FHOD3: variants seen among roughly 807,000 people sequenced by gnomAD.
The protein encoded by FHOD3 is FH1/FH2 domain-containing protein 3.
FHOD3 carries 90 observed loss-of-function variants against 173.0 expected under a neutral mutation model. That is an observed-to-expected ratio of 0.52 (90% CI 0.44 to 0.62). The LOEUF (loss-of-function observed/expected upper bound fraction) is 0.62. Among genes scored for constraint, FHOD3 ranks in the 20% least tolerant of loss-of-function variants. The pLI is 0.00. For missense variants in FHOD3, 1,945 were observed against 2,034.7 expected, an observed-to-expected ratio of 0.96 and a Z score of 0.85; for synonymous variants, 828 against 823.0, an observed-to-expected ratio of 1.01 and a Z score of -0.10.
At chr18:36,337,249 T>C (rs2045369120) in intron 1 of FHOD3, among the ~76,000 whole-genome samples, 1 of 152,078 alleles carries the variant, frequency 6.6e-6, no homozygotes, top group Non-Finnish European at 1.5e-5. Context: ...ACTTGGAACA[T>C]TCCCAGAGTC....
intron 3 of FHOD3, among the ~76,000 whole-genome samples, chr18:36,450,298 G>A (rs2051753372): frequency 6.6e-6 from 1 of 152,146 alleles, no homozygotes; most frequent in South Asian, 2.1e-4. Flanking sequence ...AACGTGAGAG[G>A]GAAGGCAGCC....
intron 16 of FHOD3, among the ~76,000 whole-genome samples, chr18:36,687,530 TA>T (rs2038703866): frequency 1.3e-5 from 2 of 152,186 alleles, no homozygotes; most frequent in Non-Finnish European, 2.9e-5. Flanking sequence ...CTTCAAGAAA[TA>T]TTTTAGTATC....
chr18:36,359,172 C>A (rs921853253), intron 2 of FHOD3, among the ~76,000 whole-genome samples: 1 of 152,114 alleles, frequency 6.6e-6, no homozygotes, highest in African/African-American at 2.4e-5. Context: ...ATATTGTGGC[C>A]ATCTAATGAA....
intron 5 of FHOD3, 116 bp from the exon 6 acceptor site, chr18:36,576,335 T>C (rs1304560195): frequency 2.8e-5 from 17 of 598,946 alleles, no homozygotes; most frequent in Non-Finnish European, 4.0e-5. Flanking sequence ...TCCTCAGATT[T>C]GATTCTTAAC....
intron 19 of FHOD3, among the ~76,000 whole-genome samples, chr18:36,724,942 C>T (rs1403564212): frequency 6.6e-6 from 1 of 152,216 alleles, no homozygotes; most frequent in Non-Finnish European, 1.5e-5. Flanking sequence ...CTTCTCCCTA[C>T]ACCCTTAAAG....
chr18:36,411,201 A>AT (rs537241748), intron 3 of FHOD3, among the ~76,000 whole-genome samples: 188 of 151,916 alleles, frequency 1.2e-3, no homozygotes, highest in African/African-American at 4.5e-3. Context: ...GTCCAATTTA[A>AT]TTTTTTTTGC....
intron 5 of FHOD3, among the ~76,000 whole-genome samples, chr18:36,548,113 AC>A (rs1421203129): frequency 6.6e-6 from 1 of 152,052 alleles, no homozygotes; most frequent in Non-Finnish European, 1.5e-5. Flanking sequence ...AATCGCTTGA[AC>A]CCAGGAGGCG....
rs370455175 is a variant in FHOD3 at position 36,354,636 on chromosome 18, T to C, written c.166-903T>C. ...GGCCAAAATGGCAAAACCCCATCTC[T>C]ACTAAAAATACAAAACAAAATTGGC... On this transcript the variant is annotated intron_variant, in intron 1 of 28. Coordinates refer to ENST00000590592, the MANE Select transcript of FHOD3 (RefSeq NM_001281740.3). Among the ~76,000 whole-genome samples the C allele has an allele frequency of 2.3e-3, 354 of 152,090 alleles. 3 individuals carry two copies. The highest frequency in any genetic ancestry group is 8.1e-3 in the African/African-American group (337 of 41,496).
At chr18:36,514,200 G>A (rs185921668) in intron 5 of FHOD3, among the ~76,000 whole-genome samples, 6 of 151,766 alleles carry the variant, frequency 4.0e-5, no homozygotes, top group African/African-American at 1.5e-4. Context: ...TAGTAGAGAC[G>A]GGGTTTCACC....
At chr18:36,390,436 G>T (rs1442457093) in intron 3 of FHOD3, among the ~76,000 whole-genome samples, 3 of 152,194 alleles carry the variant, frequency 2.0e-5, no homozygotes, top group Admixed American at 1.3e-4. Flanking sequence ...GCAGCCAGAT[G>T]CCTCGTTGGT....
chr18:36,666,684 T>A (rs2037203081), intron 14 of FHOD3, among the ~76,000 whole-genome samples: 1 of 152,264 alleles, frequency 6.6e-6, no homozygotes, highest in Non-Finnish European at 1.5e-5. Context: ...GATGATAATT[T>A]ACTTTTTAAA....
At chr18:36,677,040 C>T (rs1335341516) in intron 14 of FHOD3, among the ~76,000 whole-genome samples, 3 of 152,020 alleles carry the variant, frequency 2.0e-5, no homozygotes, top group Admixed American at 6.6e-5. Flanking sequence ...TTTGGTTGCT[C>T]TTTGGTCTAA....
At chr18:36,773,842 C>CT (rs2043505028) in intron 28 of FHOD3, among the ~76,000 whole-genome samples, 1 of 152,188 alleles carries the variant, frequency 6.6e-6, no homozygotes, top group African/African-American at 2.4e-5. Context: ...CTTCACCACT[C>CT]TTTTTTACCC....
At position 36,297,825 on chromosome 18, in the gene FHOD3, A is replaced by C; in HGVS notation, c.-11A>C. On this transcript the variant is annotated 5_prime_UTR_variant, in exon 1 of 29. Coordinates refer to ENST00000590592, the MANE Select transcript of FHOD3 (RefSeq NM_001281740.3). ...ACCCCGGGGCCCGCGCCCCCGCGGC[A>C]GGGATGCATCATGGCCACGCTGGCT... 1.3e-6 allele frequency: 2 copies of C among 1,493,748 alleles called. No individual in the cohort carries two copies. Among genetic ancestry groups the C allele is most frequent in the Non-Finnish European group, 1.8e-6 (2 of 1,119,322 alleles). 92.5% of individuals were successfully genotyped at this position (1,493,748 alleles called of 1,614,324 possible).
At chr18:36,595,242 C>G (rs1321645041) in intron 7 of FHOD3, among the ~76,000 whole-genome samples, 2 of 152,116 alleles carry the variant, frequency 1.3e-5, no homozygotes, top group African/African-American at 4.8e-5. Context: ...CTCCCCTCCC[C>G]TCTACGCTTC....
intron 3 of FHOD3, among the ~76,000 whole-genome samples, chr18:36,413,190 A>G (rs1387321149): frequency 5.3e-5 from 8 of 152,196 alleles, no homozygotes; most frequent in Admixed American, 5.2e-4. Flanking sequence ...TTGTGTTTGG[A>G]AAAAGAACCC....
At chr18:36,595,069 G>A (rs575309675) in intron 7 of FHOD3, among the ~76,000 whole-genome samples, 171 bp downstream of exon 7, 22 of 152,242 alleles carry the variant, frequency 1.4e-4, no homozygotes, top group East Asian at 7.7e-4. Flanking sequence ...GCTTAGGGCC[G>A]GAATGGGGTT....
At chr18:36,486,885 T>G (rs997880946) in intron 3 of FHOD3, among the ~76,000 whole-genome samples, 1 of 152,242 alleles carries the variant, frequency 6.6e-6, no homozygotes. Flanking sequence ...TCTGAAACTT[T>G]ATGTGAATGG....
Position 36,506,440 on chromosome 18 carries a change from A to G in FHOD3, c.405+4441A>G, listed in dbSNP as rs567750693. Among the ~76,000 whole-genome samples, 24 of 152,346 alleles carry G rather than the reference A, an allele frequency of 1.6e-4. 1 individual carries two copies. In the Middle Eastern group the frequency reaches 0.02, roughly 130 times the overall value. ...CTGAATATGTTTAGTGATGATGGTG[A>G]ACAAGTGGTGACTTTGAAGGATTCT... is the stretch of plus-strand genomic sequence containing the variant. On this transcript the variant is annotated intron_variant, in intron 4 of 28. Coordinates refer to ENST00000590592, the MANE Select transcript of FHOD3 (RefSeq NM_001281740.3).
Sources: allele counts gnomAD v4.1 joint callset (sites outside exome capture counted in the v4.1 genomes callset), GRCh38; gene constraint gnomAD v4.1.1; transcripts MANE v1.5; gene names NCBI Gene and HGNC (gene_info 2026-07-23, HGNC 2026-07-21).